The following FAP variants were observed in gnomAD, a reference collection of about 807,000 sequenced individuals.
FAP encodes fibroblast activation protein alpha, also known as prolyl endopeptidase FAP.
Under a neutral mutation model 126.5 loss-of-function variants are expected in FAP, and 110 were observed. The ratio of observed to expected loss-of-function variants is 0.87; its 90% CI spans 0.74 to 1.02. The LOEUF (loss-of-function observed/expected upper bound fraction) is 1.02. Among genes scored for constraint, FAP ranks in the 50% least tolerant of loss-of-function variants. The pLI is 0.00. For missense variants in FAP, 919 were observed against 909.2 expected, an observed-to-expected ratio of 1.01 and a Z score of -0.14; for synonymous variants, 334 against 297.3, an observed-to-expected ratio of 1.12 and a Z score of -1.27.
Position 162,218,028 on chromosome 2 carries a change from G to A in FAP, c.720C>T (p.Gly240=), listed in dbSNP as rs185593943. The change falls in exon 9 of 26, where the codon GGC becomes GGT. Residue 240 remains glycine (G), a synonymous_variant. Transcript: ENST00000188790. ...TTATTGTTCTAGGATATTGTTCATC[G>A]CCATAATAGGAATAGGCAATAACTG... ...DIPVIAYSYY[G]DEQYPRTINI... 14 of 1,600,072 alleles carry A rather than the reference G, an allele frequency of 8.7e-6. No individual in the cohort carries two copies. Among genetic ancestry groups the A allele is most frequent in the African/African-American group, 2.7e-5 (2 of 74,260 alleles).
chr2:162,227,227 T>C lies in FAP; in HGVS notation c.92-606A>G, dbSNP rs369203110. ...ACTATGGATTTTTATATAAAGAAAGTAGACCAAAAGAAAAGAAAACCCCTT... is the reference window on the plus strand; with the variant it reads ...ACTATGGATTTTTATATAAAGAAAGCAGACCAAAAGAAAAGAAAACCCCTT... On this transcript the variant is annotated intron_variant, in intron 2 of 25. Transcript: ENST00000188790. Among the ~76,000 whole-genome samples, 5 of 152,206 alleles carry C rather than the reference T, an allele frequency of 3.3e-5. No individual in the cohort carries two copies. In the East Asian group the frequency reaches 9.6e-4, roughly 29 times the overall value.
At chr2:162,210,063 A>T in intron 11 of FAP, 67 bp from the exon 12 acceptor site, 1 of 1,358,082 alleles carries the variant, frequency 7.4e-7, no homozygotes, top group East Asian at 2.3e-5. Flanking sequence ...TGTAATCTGG[A>T]CATTTGGAAA....
rs537145233 is a variant in FAP, at chr2:162,209,898, C to T, written c.1047+54G>A. On this transcript the variant is annotated intron_variant, in intron 12 of 25. Coordinates refer to ENST00000188790, the MANE Select transcript of FAP (RefSeq NM_004460.5). Reference sequence around the variant, plus strand: ...TACATTGCAAATAGTCCTTTGATAGCTGAGAATCTGTCAAGTTTCATTAAA... The same window carrying T: ...TACATTGCAAATAGTCCTTTGATAGTTGAGAATCTGTCAAGTTTCATTAAA... The T allele has an allele frequency of 6.0e-6, 9 of 1,499,978 alleles. No homozygotes were observed. In the South Asian group the frequency reaches 1.0e-4, roughly 17 times the overall value. The allele number at this position is 1,499,978 out of a possible 1,614,324, so 92.9% of individuals were successfully genotyped here.
At chr2:162,199,379 C>T (rs747787873) in intron 15 of FAP, among the ~76,000 whole-genome samples, 1 of 152,172 alleles carries the variant, frequency 6.6e-6, no homozygotes, top group Non-Finnish European at 1.5e-5. Flanking sequence ...GTGCCTTCTG[C>T]GCCTTCATTC....
chr2:162,184,847 C>T (rs1687808713), intron 20 of FAP, among the ~76,000 whole-genome samples: 1 of 152,014 alleles, frequency 6.6e-6, no homozygotes, highest in Non-Finnish European at 1.5e-5. Flanking sequence ...TTTATGATCT[C>T]CCAGAAGCCA....
intron 11 of FAP, among the ~76,000 whole-genome samples, chr2:162,213,268 C>A (rs1689020997): frequency 6.6e-6 from 1 of 151,714 alleles, no homozygotes; most frequent in African/African-American, 2.4e-5. Flanking sequence ...CCCAGCTACT[C>A]AGGAGACTGA....
At chr2:162,216,189 T>C (rs1689154745) in intron 9 of FAP, among the ~76,000 whole-genome samples, 188 bp from the exon 10 acceptor site, 2 of 152,178 alleles carry the variant, frequency 1.3e-5, no homozygotes, top group African/African-American at 2.4e-5. Flanking sequence ...ATTACAAATG[T>C]TGTGTCAACC....
chr2:162,242,894 G>A lies in FAP; in HGVS notation c.91+14C>T. The stretch of plus-strand genomic sequence containing the variant: ...TATTCTAGGCAGATAGAGCAAATCA[G>A]AGAAAGTTCTTACCTCTTGAAGGGC... On this transcript the variant is annotated intron_variant, in intron 2 of 25. Transcript: ENST00000188790. The A allele has an allele frequency of 2.5e-6, 4 of 1,606,368 alleles. No individual in the cohort carries two copies. Among genetic ancestry groups the A allele is most frequent in the Non-Finnish European group, 3.4e-6 (4 of 1,173,970 alleles).
chr2:162,202,843 T>A (rs1156701102), intron 14 of FAP, 29 bp downstream of exon 14: 1 of 1,566,438 alleles, frequency 6.4e-7, no homozygotes, highest in Non-Finnish European at 8.8e-7. Context: ...AAAACCTGAA[T>A]GGTGCATCGT....
rs1690416683 is a variant in FAP, at chr2:162,243,012, T to C, written c.7-20A>G. 6.3e-7 allele frequency: 1 copy of C among 1,586,172 alleles called. No individual in the cohort carries two copies. Among genetic ancestry groups the C allele is most frequent in the Non-Finnish European group, 8.6e-7 (1 of 1,157,472 alleles). On this transcript the variant is annotated intron_variant, in intron 1 of 25. Coordinates refer to ENST00000188790, the MANE Select transcript of FAP (RefSeq NM_004460.5). ...CCAAGTCTACATAAAATAAAGAGAATTAGGCATACACACAGTTCCTGCTAA... is the reference window on the plus strand; with the variant it reads ...CCAAGTCTACATAAAATAAAGAGAACTAGGCATACACACAGTTCCTGCTAA...
At chr2:162,198,203 CA>C in intron 16 of FAP, 4 of 1,289,516 alleles carry the variant, frequency 3.1e-6, no homozygotes, top group Non-Finnish European at 4.0e-6. Context: ...TTAGAAAGGA[CA>C]AAGGTTCATC....
At chr2:162,179,944 G>T (rs1292528342) in intron 21 of FAP, among the ~76,000 whole-genome samples, 1 of 151,824 alleles carries the variant, frequency 6.6e-6, no homozygotes, top group South Asian at 2.1e-4. Context: ...GAGTAGCTGG[G>T]ATTACAGGCA....
At chr2:162,216,741 C>T (rs1305645735) in intron 9 of FAP, among the ~76,000 whole-genome samples, 1 of 152,154 alleles carries the variant, frequency 6.6e-6, no homozygotes, top group Non-Finnish European at 1.5e-5. Context: ...TATGTAATGA[C>T]TCAGTGCTGT....
chr2:162,198,862 G>T lies in FAP; in HGVS notation c.1297C>A (p.Pro433Thr). 6.2e-7 allele frequency: 1 copy of T among 1,613,616 alleles called. No individual in the cohort carries two copies. Among genetic ancestry groups the T allele is most frequent in the Non-Finnish European group, 8.5e-7 (1 of 1,179,588 alleles). Residue 433 changes from proline (P) to threonine (T), a missense_variant, in exon 16 of 26, where the codon CCT becomes ACT. Coordinates refer to ENST00000188790, the MANE Select transcript of FAP (RefSeq NM_004460.5). ...CAAGTAACACACTTCTTGCTTGGAGGATAGCTTCCAATGCTAATTCTAGAG... is the reference window on the plus strand; with the variant it reads ...CAAGTAACACACTTCTTGCTTGGAGTATAGCTTCCAATGCTAATTCTAGAG... ...NIYRISIGSY[P>T]PSKKCVTCHL... is the part of the protein sequence containing the mutation.
chr2:162,186,781 A>G (rs1430089056), intron 20 of FAP, among the ~76,000 whole-genome samples: 1 of 152,090 alleles, frequency 6.6e-6, no homozygotes, highest in Non-Finnish European at 1.5e-5. Flanking sequence ...GGTGCTAAAA[A>G]AAGTCCCCCA....
chr2:162,208,081 C>T lies in FAP; in HGVS notation c.1047+1871G>A, dbSNP rs536719750. 2.2e-4 allele frequency among the ~76,000 whole-genome samples: 33 copies of T among 151,604 alleles called. No homozygotes were observed. In the South Asian group the frequency reaches 6.5e-3, roughly 30 times the overall value. On this transcript the variant is annotated intron_variant, in intron 12 of 25. Coordinates refer to ENST00000188790, the MANE Select transcript of FAP (RefSeq NM_004460.5). The stretch of plus-strand genomic sequence containing the variant: ...GACCATCTTGGCTAACACGGTGAAA[C>T]CCCGTCTCTATTAAAAATACAAAAA...
chr2:162,240,674 CTGGTGCATAAA>C (rs1389855764), intron 2 of FAP, among the ~76,000 whole-genome samples: 2 of 152,218 alleles, frequency 1.3e-5, no homozygotes, highest in African/African-American at 4.8e-5. Context: ...AGTTCATACA[CTGGTGCATAAA>C]ATTCTGGGCT....
chr2:162,219,301 C>T (rs912861459), intron 7 of FAP, 118 bp from the exon 8 acceptor site: 3 of 953,902 alleles, frequency 3.1e-6, no homozygotes, highest in Non-Finnish European at 4.5e-6. Flanking sequence ...AAAAGATTCA[C>T]AACTAAAATA....
chr2:162,200,746 G>A, intron 14 of FAP, 127 bp from the exon 15 acceptor site: 2 of 510,828 alleles, frequency 3.9e-6, no homozygotes, highest in East Asian at 7.0e-5. Context: ...TGGTGCTTAA[G>A]TACACAAATA....
Sources: allele counts gnomAD v4.1 joint callset (sites outside exome capture counted in the v4.1 genomes callset), GRCh38; gene constraint gnomAD v4.1.1; transcripts MANE v1.5; gene names NCBI Gene and HGNC (gene_info 2026-07-23, HGNC 2026-07-21).